The following XYLT1 variants were observed in gnomAD, a reference collection of about 807,000 sequenced individuals.
XYLT1 encodes the protein beta-D-xylosyltransferase 1.
XYLT1 carries 36 observed loss-of-function variants against 91.3 expected under a neutral mutation model. That is an observed-to-expected ratio of 0.39 (90% confidence interval 0.30 to 0.52). The LOEUF is 0.52. Among genes scored for constraint, XYLT1 ranks in the 20% least tolerant of loss-of-function variants. XYLT1 has a pLI of 0.68. For missense variants in XYLT1, 1,242 were observed against 1,284.5 expected, an observed-to-expected ratio of 0.97 and a Z score of 0.51; for synonymous variants, 588 against 532.0, an observed-to-expected ratio of 1.11 and a Z score of -1.45.
chr16:17,185,781 A>G (rs1226016953), intron 5 of XYLT1, among the ~76,000 whole-genome samples: 1 of 152,112 alleles, frequency 6.6e-6, no homozygotes, highest in Non-Finnish European at 1.5e-5. Flanking sequence ...TGCGCAGATC[A>G]CTTGAGGTCA....
intron 1 of XYLT1, among the ~76,000 whole-genome samples, chr16:17,390,620 C>G (rs1046513731): frequency 2.6e-5 from 4 of 152,222 alleles, no homozygotes; most frequent in Non-Finnish European, 4.4e-5. Context: ...CATGATCATT[C>G]CTGGGCTTGG....
intron 6 of XYLT1, among the ~76,000 whole-genome samples, chr16:17,150,830 A>C (rs1197556840): frequency 6.6e-6 from 1 of 152,184 alleles, no homozygotes; most frequent in East Asian, 1.9e-4. Flanking sequence ...TAATTAGTGG[A>C]GATCATTGGG....
intron 2 of XYLT1, among the ~76,000 whole-genome samples, chr16:17,289,407 G>A (rs2034189365): frequency 6.6e-6 from 1 of 151,978 alleles, no homozygotes; most frequent in Non-Finnish European, 1.5e-5. Flanking sequence ...TCCCGCAATT[G>A]TCTTCTGCCA....
intron 2 of XYLT1, among the ~76,000 whole-genome samples, chr16:17,334,756 G>A (rs1176028429): frequency 3.9e-5 from 6 of 151,924 alleles, no homozygotes; most frequent in African/African-American, 1.5e-4. Context: ...GGTGGCAGGT[G>A]CCTGTAGTCC....
At chr16:17,351,651 G>C (rs1247248022) in intron 2 of XYLT1, among the ~76,000 whole-genome samples, 1 of 152,004 alleles carries the variant, frequency 6.6e-6, no homozygotes, top group Non-Finnish European at 1.5e-5. Context: ...CAATTGTATG[G>C]CTGGAAGTGT....
intron 1 of XYLT1, among the ~76,000 whole-genome samples, chr16:17,394,407 A>G (rs2035858871): frequency 6.6e-6 from 1 of 152,178 alleles, no homozygotes; most frequent in African/African-American, 2.4e-5. Flanking sequence ...CGATCCACCA[A>G]GTCCAACCCT....
At chr16:17,122,580 C>G (rs1053712380) in intron 10 of XYLT1, among the ~76,000 whole-genome samples, 2 of 152,180 alleles carry the variant, frequency 1.3e-5, no homozygotes, top group African/African-American at 2.4e-5. Context: ...CTTGCAGAAA[C>G]TTTTAAAATT....
At chr16:17,304,938 C>T (rs369255186) in intron 2 of XYLT1, among the ~76,000 whole-genome samples, 7 of 152,272 alleles carry the variant, frequency 4.6e-5, no homozygotes, top group African/African-American at 1.7e-4. Flanking sequence ...ACCAAGATTG[C>T]AGCTGTAGGC....
At chr16:17,242,084 C>T (rs1429642543) in intron 3 of XYLT1, among the ~76,000 whole-genome samples, 1 of 152,126 alleles carries the variant, frequency 6.6e-6, no homozygotes, top group African/African-American at 2.4e-5. Context: ...AAAAGAAAGA[C>T]CCACCCCCGT....
chr16:17,117,876 G>C lies in XYLT1; in HGVS notation c.2327C>G (p.Pro776Arg). 1 of 1,614,104 alleles carries C rather than the reference G, an allele frequency of 6.2e-7. No individual in the cohort carries two copies. Among genetic ancestry groups the C allele is most frequent in the East Asian group, 2.2e-5 (1 of 44,864 alleles). Residue 776 changes from proline (P) to arginine (R), a missense_variant, in exon 11 of 12, where the codon CCT becomes CGT. Transcript: ENST00000261381. The part of the protein sequence containing the change: ...PVGMQKWGKG[P>R]NVTVTVIWVD... The stretch of plus-strand genomic sequence containing the variant: ...CCAAATGACGGTCACGGTCACATTA[G>C]GTCCCTTCCCCCACTTCTGCATACC...
rs189540783 is a variant in XYLT1, at chr16:17,448,365, C to T, written c.363+22069G>A. 1.8e-3 allele frequency among the ~76,000 whole-genome samples: 278 copies of T among 152,150 alleles called. 2 individuals carry two copies. The highest frequency in any genetic ancestry group is 6.5e-3 in the African/African-American group (269 of 41,512). On this transcript the variant is annotated intron_variant, in intron 1 of 11. Coordinates refer to ENST00000261381, the MANE Select transcript of XYLT1 (RefSeq NM_022166.4). ...GGGCGCAGACAGAGCAAGACTCTGT[C>T]TCAAAAATAAAATAAAATAAAATGG...
chr16:17,195,539 G>T (rs1201421815), intron 5 of XYLT1, among the ~76,000 whole-genome samples: 1 of 151,960 alleles, frequency 6.6e-6, no homozygotes, highest in African/African-American at 2.4e-5. Context: ...TCCACCTCCT[G>T]GGTTCAAGCG....
intron 3 of XYLT1, among the ~76,000 whole-genome samples, chr16:17,257,834 C>T (rs2033658638): frequency 6.6e-6 from 1 of 152,220 alleles, no homozygotes; most frequent in Admixed American, 6.5e-5. Flanking sequence ...ATTGACTGCA[C>T]AGAGCCTGGT....
chr16:17,312,276 T>G lies in XYLT1; in HGVS notation c.402+45736A>C, dbSNP rs1456502275. ...GTAGGAGGGAGATCCAGGGGAAGGG[T>G]AGGGCCTGGAGATCACAGAAGTTCT... On this transcript the variant is annotated intron_variant, in intron 2 of 11. Transcript: ENST00000261381. The surrounding 1 kb of genome is among the most constrained non-coding windows in gnomAD (Gnocchi z 4.4). Among the ~76,000 whole-genome samples the G allele has an allele frequency of 2.0e-5, 3 of 152,058 alleles. No homozygotes were observed. The highest frequency in any genetic ancestry group is 4.2e-4 in the South Asian group (2 of 4,808).
chr16:17,128,224 C>T (rs898013220), intron 9 of XYLT1, among the ~76,000 whole-genome samples: 4 of 152,196 alleles, frequency 2.6e-5, no homozygotes, highest in African/African-American at 9.6e-5. Flanking sequence ...GGCCTTATTT[C>T]CTATGCATCT....
chr16:17,462,943 T>A (rs1467852610), intron 1 of XYLT1, among the ~76,000 whole-genome samples: 1 of 152,098 alleles, frequency 6.6e-6, no homozygotes, highest in Non-Finnish European at 1.5e-5. Flanking sequence ...CACTTTAATA[T>A]CAACTCATTT....
chr16:17,257,830 T>G (rs2033658583), intron 3 of XYLT1, among the ~76,000 whole-genome samples: 1 of 152,230 alleles, frequency 6.6e-6, no homozygotes, highest in African/African-American at 2.4e-5. Flanking sequence ...ACAAATTGAC[T>G]GCACAGAGCC....
At chr16:17,354,894 G>A (rs4781990) in intron 2 of XYLT1, 21,661 of 152,198 alleles carry the variant, frequency 0.14, 1,875 homozygotes, top group Middle Eastern at 0.22. Context: ...ATCTGGCCAC[G>A]GGCTTGTGCC....
intron 2 of XYLT1, among the ~76,000 whole-genome samples, chr16:17,308,016 G>A (rs773161443): frequency 6.6e-6 from 1 of 152,216 alleles, no homozygotes; most frequent in African/African-American, 2.4e-5. Context: ...TCCATGATCT[G>A]CAGTGTATGC....
Sources: allele counts gnomAD v4.1 joint callset (sites outside exome capture counted in the v4.1 genomes callset), GRCh38; gene constraint gnomAD v4.1.1; non-coding constraint Gnocchi (gnomAD v3.1); transcripts MANE v1.5; gene names NCBI Gene and HGNC (gene_info 2026-07-23, HGNC 2026-07-21).